The following CWF19L1 variants were observed in gnomAD, a reference collection of about 807,000 sequenced individuals.
CWF19L1 encodes CWF19-like protein 1.
Under a neutral mutation model 69.7 loss-of-function variants are expected in CWF19L1, and 60 were observed. That is an observed-to-expected ratio of 0.86 (90% CI 0.70 to 1.07). CWF19L1 has a LOEUF of 1.07. Among genes scored for constraint, CWF19L1 ranks in the 50% least tolerant of loss-of-function variants. The probability of loss-of-function intolerance (pLI) is 0.00; values close to 1 mark genes in which losing one functional copy is unlikely to be tolerated. For synonymous variants in CWF19L1, 209 were observed against 222.2 expected (o/e 0.94, Z 0.53); for missense variants, 591 against 638.9 (o/e 0.92, Z 0.81).
Position 100,233,228 on chromosome 10 carries a change from T to C in CWF19L1, c.1616A>G (p.Ter539=). 6.2e-7 allele frequency: 1 copy of C among 1,605,656 alleles called. No homozygotes were observed. The change falls in exon 14 of 14, where the codon TAA becomes TGA. Residue 539 remains the stop codon, a stop_retained_variant. Coordinates refer to ENST00000354105, the MANE Select transcript of CWF19L1 (RefSeq NM_018294.6). ...TCATAAAAAGTTCTTCCCTTTGTTT[T>C]AGTCATCCAGAGTAAAGTCATAGGG... is the stretch of plus-strand genomic sequence containing the variant. ...FEPYDFTLDD[*] is the part of the protein sequence containing the mutation.
Position 100,250,962 on chromosome 10 carries a change from A to T in CWF19L1, c.624-630T>A, listed in dbSNP as rs185898280. ...GATCTTGTCTCAAAAAAAAAAAATT[A>T]AAAAAAAAAAAAATGTAGTCCTTTG... is the stretch of plus-strand genomic sequence containing the variant. On this transcript the variant is annotated intron_variant, in intron 6 of 13. Transcript: ENST00000354105. Among the ~76,000 whole-genome samples, 373 of 143,204 alleles carry T rather than the reference A, an allele frequency of 2.6e-3. 2 individuals are homozygous for T. Among genetic ancestry groups the T allele is most frequent in the African/African-American group, 8.7e-3 (335 of 38,532 alleles). 93.9% of individuals were successfully genotyped at this position (143,204 alleles called of 152,430 possible).
intron 1 of CWF19L1, among the ~76,000 whole-genome samples, chr10:100,265,185 G>C (rs1217206454): frequency 6.6e-6 from 1 of 151,692 alleles, no homozygotes; most frequent in African/African-American, 2.4e-5. Flanking sequence ...TGTAGAATAA[G>C]GATATAAAGA....
At chr10:100,252,998 ATATT>A (rs1451366635) in intron 6 of CWF19L1, among the ~76,000 whole-genome samples, 7 of 152,184 alleles carry the variant, frequency 4.6e-5, no homozygotes, top group Admixed American at 1.3e-4. Flanking sequence ...ACATTATCTC[ATATT>A]TATTTGTGGT....
chr10:100,233,075 G>A lies in CWF19L1; in HGVS notation c.*152C>T. 2 of 660,464 alleles carry A rather than the reference G, an allele frequency of 3.0e-6. No homozygotes were observed. Among genetic ancestry groups the A allele is most frequent in the East Asian group, 3.2e-5 (1 of 31,440 alleles). 40.9% of individuals were successfully genotyped at this position (660,464 alleles called of 1,614,324 possible). On this transcript the variant is annotated 3_prime_UTR_variant, in exon 14 of 14. Coordinates refer to ENST00000354105, the MANE Select transcript of CWF19L1 (RefSeq NM_018294.6). Reference sequence around the variant, plus strand: ...AGGTGGGAGGAACTCTAGAGCCCAGGAGGTTGAGGCTACAGTGAGCCACAG... The same window carrying A: ...AGGTGGGAGGAACTCTAGAGCCCAGAAGGTTGAGGCTACAGTGAGCCACAG...
At chr10:100,259,388 CA>C (rs1847318887) in intron 4 of CWF19L1, among the ~76,000 whole-genome samples, 1 of 151,822 alleles carries the variant, frequency 6.6e-6, no homozygotes, top group Non-Finnish European at 1.5e-5. Context: ...TACCTAGAAC[CA>C]GAAAAAGGAG....
intron 2 of CWF19L1, among the ~76,000 whole-genome samples, 181 bp downstream of exon 2, chr10:100,261,798 T>C (rs1406147241): frequency 6.6e-6 from 1 of 152,164 alleles, no homozygotes; most frequent in African/African-American, 2.4e-5. Context: ...AGATCAATAG[T>C]AAACAGTAAA....
At chr10:100,248,325 G>C in intron 7 of CWF19L1, 1 of 1,241,558 alleles carries the variant, frequency 8.1e-7, no homozygotes, top group Non-Finnish European at 1.2e-6. Flanking sequence ...TGCAGGAGAC[G>C]TGGTGAACTC....
At chr10:100,258,904 CT>C (rs1847300652) in intron 4 of CWF19L1, among the ~76,000 whole-genome samples, 1 of 106,602 alleles carries the variant, frequency 9.4e-6, no homozygotes. Flanking sequence ...GTAAATTCAA[CT>C]AAAAAAAAAA....
intron 10 of CWF19L1, among the ~76,000 whole-genome samples, chr10:100,242,673 C>CAAAAAAAAAAAAAAAAAAAA (rs397844633): frequency 1.1e-5 from 1 of 88,736 alleles, no homozygotes; most frequent in African/African-American, 3.2e-5. Context: ...GACTCCATCT[C>CAAAAAAAAAAAAAAAAAAAA]AAAAAAAAAA....
Position 100,260,256 on chromosome 10 carries a change from G to A in CWF19L1, c.251C>T (p.Ala84Val). The A allele has an allele frequency of 6.2e-7, 1 of 1,611,748 alleles. No homozygotes were observed. The highest frequency in any genetic ancestry group is 8.5e-7 in the Non-Finnish European group (1 of 1,178,138). Residue 84 changes from alanine (A) to valine (V), a missense_variant, in exon 4 of 14, where the codon GCT becomes GTT. Transcript: ENST00000354105. ...GTTTTCAGCTAATTCACATCCATCA[G>A]CATCCTGGAAATATTTTACTGTTTC... is the stretch of plus-strand genomic sequence containing the variant. ...NQETVKYFQD[A>V]DGCELAENIT...
At chr10:100,263,616 G>GA in intron 1 of CWF19L1, among the ~76,000 whole-genome samples, 1 of 152,290 alleles carries the variant, frequency 6.6e-6, no homozygotes, top group South Asian at 2.1e-4. Context: ...AATTACCATT[G>GA]TCTCTGGGAG....
intron 11 of CWF19L1, among the ~76,000 whole-genome samples, chr10:100,237,774 G>GAC (rs1301852745): frequency 6.6e-6 from 1 of 151,912 alleles, no homozygotes; most frequent in Non-Finnish European, 1.5e-5. Flanking sequence ...AGCCTCCCGA[G>GAC]TAGCTGGGAT....
intron 6 of CWF19L1, among the ~76,000 whole-genome samples, chr10:100,253,119 G>A (rs538195721): frequency 4.6e-5 from 7 of 152,176 alleles, no homozygotes; most frequent in Admixed American, 3.9e-4. Context: ...TCCTGGGCTC[G>A]AGCGAGCCTC....
At chr10:100,251,605 G>C (rs923277949) in intron 6 of CWF19L1, among the ~76,000 whole-genome samples, 5 of 140,944 alleles carry the variant, frequency 3.5e-5, no homozygotes, top group Non-Finnish European at 6.0e-5. Flanking sequence ...TCCACCTCCC[G>C]GGTTCATGCC....
In CWF19L1 at chr10:100,266,448, G is replaced by C. The variant is rs371260609; in HGVS notation, c.23+1123C>G. ...AAGTGATTCTCTTGCCTTGGCCTCCGGAGTCGCTGGGATTATAGGCGTGAG... is the reference window on the plus strand; with the variant it reads ...AAGTGATTCTCTTGCCTTGGCCTCCCGAGTCGCTGGGATTATAGGCGTGAG... On this transcript the variant is annotated intron_variant, in intron 1 of 13. Transcript: ENST00000354105. 7.3e-5 allele frequency among the ~76,000 whole-genome samples: 11 copies of C among 151,676 alleles called. No homozygotes were observed. The South Asian group carries it at 1.9e-3, about 26-fold the overall frequency.
At chr10:100,237,008 T>C in intron 11 of CWF19L1, 39 bp from the exon 12 acceptor site, 1 of 1,543,360 alleles carries the variant, frequency 6.5e-7, no homozygotes, top group Non-Finnish European at 8.7e-7. Flanking sequence ...CTTGTGCAGG[T>C]CCCAGAGAAG....
intron 10 of CWF19L1, among the ~76,000 whole-genome samples, chr10:100,240,437 T>A (rs2134281484): frequency 6.6e-6 from 1 of 152,332 alleles, no homozygotes; most frequent in Non-Finnish European, 1.5e-5. Flanking sequence ...CATTACAGGT[T>A]TGTAAGAGGT....
At chr10:100,234,413 TTC>T (rs1303266605) in intron 13 of CWF19L1, among the ~76,000 whole-genome samples, 3 of 152,212 alleles carry the variant, frequency 2.0e-5, no homozygotes, top group East Asian at 1.9e-4. Context: ...TCAGAGAATC[TTC>T]TTTTTGTGTG....
chr10:100,266,790 G>A (rs1232470219), intron 1 of CWF19L1, among the ~76,000 whole-genome samples: 2 of 151,656 alleles, frequency 1.3e-5, no homozygotes, highest in Non-Finnish European at 2.9e-5. Flanking sequence ...AAAGTGCTAG[G>A]ATTACAGGCG....
Sources: allele counts gnomAD v4.1 joint callset (sites outside exome capture counted in the v4.1 genomes callset), GRCh38; gene constraint gnomAD v4.1.1; transcripts MANE v1.5; gene names NCBI Gene and HGNC (gene_info 2026-07-23, HGNC 2026-07-21).